Variants in GPA33 observed in about 807,000 individuals in gnomAD.
GPA33 encodes cell surface A33 antigen.
In GPA33, 27 loss-of-function variants were observed where a neutral mutation model predicts 35.6. That is an observed-to-expected ratio of 0.76 (90% CI 0.56 to 1.04). The LOEUF is 1.04. GPA33 is among the 50% of genes least tolerant of loss of function. GPA33 has a pLI of 0.00. For synonymous variants in GPA33, 176 were observed against 164.0 expected, an observed-to-expected ratio of 1.07 and a Z score of -0.56; for missense variants, 428 against 411.9, an observed-to-expected ratio of 1.04 and a Z score of -0.34.
At chr1:167,079,484 CAAAAAAAA>C (rs59745946) in intron 1 of GPA33, among the ~76,000 whole-genome samples, 5,549 of 75,676 alleles carry the variant, frequency 0.073, 183 homozygotes, top group African/African-American at 0.14. Context: ...ACTCCGTCTC[CAAAAAAAA>C]AAAAAAAAAG....
intron 4 of GPA33, 118 bp downstream of exon 4, chr1:167,063,464 G>T (rs888715112): frequency 1.2e-6 from 1 of 810,956 alleles, no homozygotes. Flanking sequence ...GGATGGGTAG[G>T]GAAGCAAGCG....
At chr1:167,068,037 G>A (rs1340147563) in intron 3 of GPA33, among the ~76,000 whole-genome samples, 4 of 152,000 alleles carry the variant, frequency 2.6e-5, no homozygotes, top group Admixed American at 6.5e-5. Flanking sequence ...CTTTCAAAAC[G>A]TCAGGCAACC....
chr1:167,086,979 G>C (rs918020934), intron 1 of GPA33, among the ~76,000 whole-genome samples: 2 of 152,180 alleles, frequency 1.3e-5, no homozygotes, highest in African/African-American at 4.8e-5. Flanking sequence ...CCTGGAGCTT[G>C]CCTCTTTATG....
intron 1 of GPA33, among the ~76,000 whole-genome samples, chr1:167,077,357 T>C (rs548438558): frequency 6.3e-4 from 96 of 152,322 alleles, no homozygotes; most frequent in African/African-American, 2.3e-3. Context: ...ATTTCTCATA[T>C]GCCTGGTGTA....
rs547581609 is a variant in GPA33, at chr1:167,082,649, C to T, written c.43+7596G>A. Among the ~76,000 whole-genome samples the T allele has an allele frequency of 3.2e-4, 49 of 152,284 alleles. 1 individual carries two copies. The highest frequency in any genetic ancestry group is 3.0e-3 in the Admixed American group (46 of 15,302). On this transcript the variant is annotated intron_variant, in intron 1 of 6. Coordinates refer to ENST00000367868, the MANE Select transcript of GPA33 (RefSeq NM_005814.3). Reference sequence around the variant, plus strand: ...GCACAGTTGGAAAGCCAGCTTTGCTCACGGCAAGTGTCACCTGTTCCCCAA... The same window carrying T: ...GCACAGTTGGAAAGCCAGCTTTGCTTACGGCAAGTGTCACCTGTTCCCCAA...
chr1:167,090,356 G>A lies in GPA33; in HGVS notation c.-69C>T. 7.4e-7 allele frequency: 1 copy of A among 1,348,662 alleles called. No individual in the cohort carries two copies. The highest frequency in any genetic ancestry group is 1.1e-6 in the Non-Finnish European group (1 of 942,032). 83.5% of individuals were successfully genotyped at this position (1,348,662 alleles called of 1,614,324 possible). On this transcript the variant is annotated 5_prime_UTR_variant, in exon 1 of 7. Transcript: ENST00000367868. ...GCCTCCAGACAGGTCTGAGCTGTCT[G>A]GTTAAAGCTACAGCAGCTTCTGGCC...
intron 3 of GPA33, among the ~76,000 whole-genome samples, chr1:167,068,697 G>A (rs967711058): frequency 6.6e-6 from 1 of 152,210 alleles, no homozygotes; most frequent in Admixed American, 6.5e-5. Flanking sequence ...ACTCCAAGTC[G>A]GCCTTCTCTG....
intron 3 of GPA33, among the ~76,000 whole-genome samples, chr1:167,064,670 G>A (rs770523045): frequency 9.9e-5 from 15 of 152,146 alleles, no homozygotes; most frequent in Non-Finnish European, 1.0e-4. Flanking sequence ...GGCTGGATTT[G>A]GTCCTAGTTT....
rs990013431 is a variant in GPA33, at chr1:167,054,339, G to A, written c.955C>T (p.Gln319Ter). The A allele has an allele frequency of 4.3e-6, 7 of 1,613,966 alleles. No homozygotes were observed. Among genetic ancestry groups the A allele is most frequent in the Non-Finnish European group, 5.9e-6 (7 of 1,180,014 alleles). Reference sequence around the variant, plus strand: ...CGCCCTCTGCTGCTGGCCTGTCACTGGTCGAGGTGGTCCGGGGATTCACGC... The same window carrying A: ...CGCCCTCTGCTGCTGGCCTGTCACTAGTCGAGGTGGTCCGGGGATTCACGC... The part of the protein sequence containing the change: ...TGRESPDHLD[Q>*] Residue 319 changes from glutamine (Q) to a stop codon, truncating the protein, a stop_gained, in exon 7 of 7, where the codon CAG becomes TAG. Coordinates refer to ENST00000367868, the MANE Select transcript of GPA33 (RefSeq NM_005814.3). LOFTEE classifies it high-confidence loss of function.
intron 3 of GPA33, among the ~76,000 whole-genome samples, chr1:167,068,356 A>T (rs946354066): frequency 2.0e-5 from 3 of 152,206 alleles, no homozygotes; most frequent in Non-Finnish European, 4.4e-5. Context: ...GATCTTTCAG[A>T]TCCTTCCCAA....
chr1:167,078,549 C>T (rs1666867881), intron 1 of GPA33: 1 of 152,216 alleles, frequency 6.6e-6, no homozygotes, highest in South Asian at 2.1e-4. Flanking sequence ...ACATCCCCTT[C>T]CAAGGAGGGC....
rs1666757039 is a variant in GPA33, at chr1:167,073,308, A to T, written c.198+77T>A. The stretch of plus-strand genomic sequence containing the variant: ...ATTCTACCATTTATGGAAAGACTTC[A>T]TAGTGCTTGCCTTCTAAGAGGTCCT... On this transcript the variant is annotated intron_variant, in intron 2 of 6. Transcript: ENST00000367868. 6 of 1,231,656 alleles carry T rather than the reference A, an allele frequency of 4.9e-6. No individual in the cohort carries two copies. In the East Asian group the frequency reaches 1.4e-4, roughly 29 times the overall value. 76.3% of individuals were successfully genotyped at this position (1,231,656 alleles called of 1,614,324 possible).
At chr1:167,071,376 C>T (rs1666715864) in intron 2 of GPA33, among the ~76,000 whole-genome samples, 1 of 152,192 alleles carries the variant, frequency 6.6e-6, no homozygotes, top group Admixed American at 6.5e-5. Context: ...AGAAGCGAGA[C>T]CATGATGGAC....
chr1:167,089,836 C>T (rs764620971), intron 1 of GPA33, among the ~76,000 whole-genome samples: 1 of 152,012 alleles, frequency 6.6e-6, no homozygotes, highest in African/African-American at 2.4e-5. Context: ...GCCTCAGTTT[C>T]CTGTCTCTTT....
chr1:167,069,081 T>C lies in GPA33; in HGVS notation c.256A>G (p.Lys86Glu), dbSNP rs1666661900. The C allele has an allele frequency of 6.2e-7, 1 of 1,614,062 alleles. No individual in the cohort carries two copies. The highest frequency in any genetic ancestry group is 8.5e-7 in the Non-Finnish European group (1 of 1,179,956). ...TTGTTGGATATGCTGACGCGATTCT[T>C]ATAAAGCTCACCATGGATGTAGTTT... ...NKNYIHGELY[K>E]NRVSISNNAE... is the part of the protein sequence containing the mutation. Residue 86 changes from lysine (K) to glutamate (E), a missense_variant, in exon 3 of 7, where the codon AAG becomes GAG. Coordinates refer to ENST00000367868, the MANE Select transcript of GPA33 (RefSeq NM_005814.3).
chr1:167,077,893 A>G (rs1197511765), intron 1 of GPA33, among the ~76,000 whole-genome samples: 3 of 152,158 alleles, frequency 2.0e-5, no homozygotes, highest in African/African-American at 2.4e-5. Context: ...TATTTTCCCT[A>G]TTTTACTGGT....
At chr1:167,056,609 T>TGGTATGGGGGGC (rs1558001642) in intron 4 of GPA33, among the ~76,000 whole-genome samples, 7 of 166 alleles carry the variant, frequency 0.042, no homozygotes, top group Non-Finnish European at 0.061. Context: ...GTGGTGTGTG[T>TGGTATGGGGGGC]AGTGTGTGTG....
chr1:167,061,032 T>A (rs1280619881), intron 4 of GPA33, among the ~76,000 whole-genome samples: 5 of 152,216 alleles, frequency 3.3e-5, no homozygotes, highest in African/African-American at 1.2e-4. Flanking sequence ...CATCTACTTT[T>A]ATTTAATCTT....
chr1:167,074,656 G>A (rs1052107480), intron 1 of GPA33, among the ~76,000 whole-genome samples: 6 of 152,128 alleles, frequency 3.9e-5, no homozygotes, highest in African/African-American at 1.4e-4. Context: ...GAACTTTCCA[G>A]GCAGAGGCTA....
Sources: allele counts gnomAD v4.1 joint callset (sites outside exome capture counted in the v4.1 genomes callset), GRCh38; gene constraint gnomAD v4.1.1; transcripts MANE v1.5; gene names NCBI Gene and HGNC (gene_info 2026-07-23, HGNC 2026-07-21).